Variants in PIGN observed in about 807,000 individuals in gnomAD.
The protein encoded by PIGN is GPI ethanolamine phosphate transferase 1.
PIGN carries 117 observed loss-of-function variants against 125.4 expected under a neutral mutation model. The observed-to-expected ratio is 0.93, with a 90% CI of 0.80 to 1.09. The LOEUF (loss-of-function observed/expected upper bound fraction) is 1.09, where lower values mean the gene tolerates loss of function less well. Ranked by LOEUF, PIGN falls within the 50% of genes least tolerant of loss-of-function variation. PIGN has a pLI of 0.00. For synonymous variants in PIGN, 392 were observed against 377.8 expected (o/e 1.04, Z -0.44); for missense variants, 1,075 against 1,094.9 (o/e 0.98, Z 0.26).
intron 30 of PIGN, among the ~76,000 whole-genome samples, chr18:62,053,529 G>A (rs143953978): frequency 9.8e-4 from 149 of 152,212 alleles, no homozygotes; most frequent in African/African-American, 3.4e-3. Flanking sequence ...AAACATGACC[G>A]TGACCAAACC....
intron 25 of PIGN, among the ~76,000 whole-genome samples, chr18:62,086,971 T>G (rs1300986448): frequency 1.3e-5 from 2 of 152,080 alleles, no homozygotes; most frequent in East Asian, 3.9e-4. Context: ...AGAGTGACTT[T>G]GAAGAGGAGT....
chr18:62,089,759 T>A (rs988926160), intron 24 of PIGN, among the ~76,000 whole-genome samples: 4 of 152,168 alleles, frequency 2.6e-5, no homozygotes, highest in African/African-American at 9.6e-5. Flanking sequence ...TGGAGCCATA[T>A]AACGATGGAT....
At chr18:62,101,965 C>T (rs1453392680) in intron 21 of PIGN, among the ~76,000 whole-genome samples, 6 of 152,056 alleles carry the variant, frequency 3.9e-5, no homozygotes, top group Non-Finnish European at 7.4e-5. Context: ...TGGTGGCTCA[C>T]GCCTGTAATC....
chr18:62,145,859 T>C, intron 10 of PIGN, 50 bp downstream of exon 10: 1 of 900,834 alleles, frequency 1.1e-6, no homozygotes, highest in South Asian at 1.5e-5. Flanking sequence ...TTAAACTTTG[T>C]TCTTATTTTA....
chr18:62,146,196 A>C (rs2036322625), intron 9 of PIGN, among the ~76,000 whole-genome samples, 171 bp from the exon 10 acceptor site: 1 of 152,230 alleles, frequency 6.6e-6, no homozygotes. Flanking sequence ...CAATATTCCT[A>C]TAAAGCAAGT....
chr18:62,039,814 G>C (rs1421204058), downstream of PIGN, among the ~76,000 whole-genome samples: 3 of 41,696 alleles, frequency 7.2e-5, no homozygotes, highest in Non-Finnish European at 1.3e-4. Flanking sequence ...GGGCCCCATC[G>C]ACGATGCCGC....
intron 14 of PIGN, chr18:62,118,597 G>GGAA (rs1285371397): frequency 1.3e-5 from 2 of 152,148 alleles, no homozygotes; most frequent in African/African-American, 4.8e-5. Flanking sequence ...TGGCAATCTT[G>GGAA]GAAGACTGGA....
At chr18:62,121,987 C>T (rs1380390647) in intron 14 of PIGN, among the ~76,000 whole-genome samples, 1 of 151,992 alleles carries the variant, frequency 6.6e-6, no homozygotes, top group Non-Finnish European at 1.5e-5. Flanking sequence ...TACATTCCCA[C>T]CAACAGTACA....
intron 1 of PIGN, among the ~76,000 whole-genome samples, chr18:62,184,299 A>C (rs1286964558): frequency 6.6e-6 from 1 of 152,214 alleles, no homozygotes; most frequent in Non-Finnish European, 1.5e-5. Context: ...CTTCATTGCT[A>C]AGGCACAAGC....
At chr18:62,095,491 A>G (rs981539642) in intron 23 of PIGN, among the ~76,000 whole-genome samples, 4 of 152,224 alleles carry the variant, frequency 2.6e-5, no homozygotes, top group African/African-American at 9.6e-5. Flanking sequence ...AAGAATGGAC[A>G]AATCAAAGCA....
intron 30 of PIGN, 90 bp from the exon 31 acceptor site, chr18:62,046,069 G>T: frequency 7.5e-7 from 1 of 1,340,802 alleles, no homozygotes; most frequent in Non-Finnish European, 1.0e-6. Context: ...ATGGACAGAT[G>T]AAAATCTCCA....
chr18:62,128,195 A>T (rs2035607269), intron 14 of PIGN, among the ~76,000 whole-genome samples: 1 of 152,218 alleles, frequency 6.6e-6, no homozygotes, highest in African/African-American at 2.4e-5. Flanking sequence ...ATTACCAAAA[A>T]AATATATAAA....
chr18:62,077,373 AAAAC>A (rs372819340), intron 28 of PIGN, among the ~76,000 whole-genome samples: 11 of 152,138 alleles, frequency 7.2e-5, no homozygotes, highest in East Asian at 1.9e-4. Flanking sequence ...ACTCTGCCTC[AAAAC>A]AAACAAACAA....
At chr18:62,148,407 A>G (rs1203558341) in intron 7 of PIGN, 69 bp from the exon 8 acceptor site, 2 of 1,104,780 alleles carry the variant, frequency 1.8e-6, no homozygotes, top group African/African-American at 3.3e-5. Context: ...ACTGATGAAA[A>G]CATTTAAATT....
At chr18:62,143,457 C>T (rs1303580337) in intron 10 of PIGN, 111 bp from the exon 11 acceptor site, 2 of 623,304 alleles carry the variant, frequency 3.2e-6, no homozygotes, top group Non-Finnish European at 5.7e-6. Flanking sequence ...TTAGAAATGT[C>T]TATTTTAAGC....
intron 23 of PIGN, among the ~76,000 whole-genome samples, chr18:62,091,988 G>A (rs2033983431): frequency 2.0e-5 from 3 of 151,892 alleles, no homozygotes; most frequent in Non-Finnish European, 4.4e-5. Flanking sequence ...TACAGCATAC[G>A]CCACTATTTC....
intron 1 of PIGN, among the ~76,000 whole-genome samples, chr18:62,170,356 C>T (rs1219871761): frequency 7.5e-6 from 1 of 134,100 alleles, no homozygotes; most frequent in Non-Finnish European, 1.6e-5. Context: ...ATTTTTCCAA[C>T]AATATGTGCT....
At chr18:62,087,180 GA>G (rs1310904247) in intron 25 of PIGN, among the ~76,000 whole-genome samples, 9 of 152,296 alleles carry the variant, frequency 5.9e-5, no homozygotes, top group Non-Finnish European at 1.5e-5. Context: ...GGAGCATGGA[GA>G]AAAAAGTATG....
Position 62,021,800 on chromosome 18 carries a change from G to A in PIGN, c.2143-4059C>T, listed in dbSNP as rs536702468. Among the ~76,000 whole-genome samples, 8 of 152,266 alleles carry A rather than the reference G, an allele frequency of 5.3e-5. No homozygotes were observed. The East Asian group carries it at 1.2e-3, about 22-fold the overall frequency. On this transcript the variant is annotated intron_variant, in intron 23 of 24. Transcript: ENST00000639600. Reference sequence around the variant, plus strand: ...TCTATAGGTCAGAAGTTTGGGCATGGCAAGTGGGACTATTTGGGGTCTCAC... The same window carrying A: ...TCTATAGGTCAGAAGTTTGGGCATGACAAGTGGGACTATTTGGGGTCTCAC...
Sources: gnomAD v4.1 joint callset for allele counts (sites outside exome capture counted in the v4.1 genomes callset) on GRCh38, gnomAD v4.1.1 for gene constraint, MANE v1.5 for transcripts, NCBI Gene and HGNC (gene_info 2026-07-23, HGNC 2026-07-21) for gene names.